The following SLC30A8 variants were observed in gnomAD, a reference collection of about 807,000 sequenced individuals.
SLC30A8 encodes the protein solute carrier family 30 member 8, also known as proton-coupled zinc antiporter SLC30A8.
SLC30A8 carries 27 observed loss-of-function variants against 36.9 expected under a neutral mutation model. The observed-to-expected ratio is 0.73, with a 90% CI of 0.54 to 1.01. SLC30A8 has a LOEUF of 1.01. SLC30A8 is among the 50% of genes least tolerant of loss of function. The pLI, the probability that SLC30A8 is intolerant of heterozygous loss-of-function variation, is 0.00. For synonymous variants in SLC30A8, 164 were observed against 172.4 expected (o/e 0.95, Z 0.38); for missense variants, 439 against 452.0 (o/e 0.97, Z 0.26).
intron 1 of SLC30A8, among the ~76,000 whole-genome samples, chr8:116,996,472 C>T (rs960864321): frequency 6.6e-6 from 1 of 151,970 alleles, no homozygotes; most frequent in Non-Finnish European, 1.5e-5. Context: ...CATGTGTTAC[C>T]TCACATACTT....
At chr8:117,068,209 G>T (rs769969189) in intron 2 of SLC30A8, among the ~76,000 whole-genome samples, 1 of 152,090 alleles carries the variant, frequency 6.6e-6, no homozygotes, top group African/African-American at 2.4e-5. Flanking sequence ...AGCCAGACTC[G>T]AACCCAGTTT....
chr8:117,132,834 A>T (rs1475478153), upstream of SLC30A8, among the ~76,000 whole-genome samples: 1 of 152,046 alleles, frequency 6.6e-6, no homozygotes, highest in Non-Finnish European at 1.5e-5. Context: ...ATGATATAAT[A>T]TGCAATTCTT....
intron 1 of SLC30A8, among the ~76,000 whole-genome samples, chr8:116,975,684 G>A (rs868489463): frequency 2.9e-4 from 44 of 152,298 alleles, no homozygotes; most frequent in Middle Eastern, 3.4e-3. Context: ...ATGAGCTTGC[G>A]CAAGAATTGG....
chr8:116,974,041 A>C (rs1814888717), intron 1 of SLC30A8, among the ~76,000 whole-genome samples: 1 of 152,236 alleles, frequency 6.6e-6, no homozygotes, highest in Admixed American at 6.5e-5. Flanking sequence ...AATTAATTCA[A>C]GATGGATGAA....
rs546751005 is a variant in SLC30A8 at position 117,066,053 on chromosome 8, G to GT, written c.-226+26801dup. Among the ~76,000 whole-genome samples, 453 of 152,272 alleles carry GT rather than the reference G, an allele frequency of 3.0e-3. 3 individuals carry two copies. The highest frequency in any genetic ancestry group is 7.3e-3 in the South Asian group (35 of 4,822). On this transcript the variant is annotated intron_variant, in intron 2 of 10. Coordinates refer to the SLC30A8 transcript ENST00000427715. The stretch of plus-strand genomic sequence containing the variant: ...ATGTGTTGGTGGAACACACAGGAAG[G>GT]TTTTTTCTTGGCGATAAGGAGACCA...
chr8:117,167,746 C>A (rs573893567), intron 6 of SLC30A8, among the ~76,000 whole-genome samples: 1 of 152,006 alleles, frequency 6.6e-6, no homozygotes. Context: ...ATGTAATTAC[C>A]ACCCTTGTAC....
At position 117,122,855 on chromosome 8, in the gene SLC30A8, G is replaced by A. The variant is rs116477495; in HGVS notation, c.-225-12425G>A. ...AACCACAGTCTCCTTTCCCCTCTGTGGACTCTGCTCCTCTGTTTTAGAAAT... is the reference window on the plus strand; with the variant it reads ...AACCACAGTCTCCTTTCCCCTCTGTAGACTCTGCTCCTCTGTTTTAGAAAT... On this transcript the variant is annotated intron_variant, in intron 2 of 10. Coordinates refer to the SLC30A8 transcript ENST00000427715. 6.6e-3 allele frequency among the ~76,000 whole-genome samples: 1,000 copies of A among 151,918 alleles called. 14 individuals are homozygous for A. The highest frequency in any genetic ancestry group is 0.023 in the African/African-American group (952 of 41,476).
At chr8:117,000,077 A>G (rs964338236) in intron 1 of SLC30A8, among the ~76,000 whole-genome samples, 5 of 152,026 alleles carry the variant, frequency 3.3e-5, no homozygotes, top group East Asian at 1.9e-4. Context: ...AAGGCCCACA[A>G]TTTTCTTCTC....
At chr8:117,161,947 G>T in intron 5 of SLC30A8, 59 bp downstream of exon 5, 1 of 1,456,508 alleles carries the variant, frequency 6.9e-7, no homozygotes, top group South Asian at 1.3e-5. Flanking sequence ...TACAGAAGCT[G>T]ACCCTCCAAC....
intron 2 of SLC30A8, among the ~76,000 whole-genome samples, chr8:117,066,065 C>T (rs146569291): frequency 6.0e-4 from 91 of 152,178 alleles, no homozygotes; most frequent in African/African-American, 1.7e-3. Flanking sequence ...TTTTTCTTGG[C>T]GATAAGGAGA....
At chr8:116,993,538 C>A (rs1815718245) in intron 1 of SLC30A8, among the ~76,000 whole-genome samples, 1 of 151,952 alleles carries the variant, frequency 6.6e-6, no homozygotes, top group African/African-American at 2.4e-5. Flanking sequence ...GACCCAGAGA[C>A]AATCTAGATG....
At chr8:117,067,501 T>C (rs1262285077) in intron 2 of SLC30A8, among the ~76,000 whole-genome samples, 1 of 152,148 alleles carries the variant, frequency 6.6e-6, no homozygotes, top group Non-Finnish European at 1.5e-5. Context: ...CTAATTCAAC[T>C]CTTCAAAGTT....
chr8:116,959,084 C>T (rs190408668), intron 1 of SLC30A8, among the ~76,000 whole-genome samples: 2,396 of 152,002 alleles, frequency 0.016, 68 homozygotes, highest in African/African-American at 0.054. Flanking sequence ...CTCCTGACCT[C>T]GTGATCTGCC....
chr8:116,995,948 G>A (rs182597763), intron 1 of SLC30A8, among the ~76,000 whole-genome samples: 1 of 152,258 alleles, frequency 6.6e-6, no homozygotes, highest in Admixed American at 6.5e-5. Context: ...ACTGCATGTA[G>A]CCCTCTCCAG....
chr8:117,068,130 A>G (rs1289617251), intron 2 of SLC30A8, among the ~76,000 whole-genome samples: 1 of 152,156 alleles, frequency 6.6e-6, no homozygotes, highest in African/African-American at 2.4e-5. Flanking sequence ...TGATCATTAG[A>G]GTGATTGAAG....
chr8:117,064,911 T>C (rs185580652), intron 2 of SLC30A8, among the ~76,000 whole-genome samples: 3 of 152,310 alleles, frequency 2.0e-5, no homozygotes, highest in East Asian at 3.9e-4. Flanking sequence ...CTAAGTTTAA[T>C]AGATAAAATC....
intron 2 of SLC30A8, among the ~76,000 whole-genome samples, chr8:117,061,182 C>T (rs1436492399): frequency 3.3e-5 from 5 of 152,188 alleles, no homozygotes; most frequent in Admixed American, 3.3e-4. Context: ...TTCAGTGATT[C>T]TCACTATGAC....
At chr8:117,063,747 C>T (rs1818087120) in intron 2 of SLC30A8, among the ~76,000 whole-genome samples, 1 of 152,082 alleles carries the variant, frequency 6.6e-6, no homozygotes, top group Admixed American at 6.5e-5. Context: ...AACTCTTTTG[C>T]TTCTCAGTTG....
At chr8:117,059,903 G>T (rs1248758408) in intron 2 of SLC30A8, among the ~76,000 whole-genome samples, 1 of 152,094 alleles carries the variant, frequency 6.6e-6, no homozygotes. Flanking sequence ...TTTCCCAGTA[G>T]GCTAAGGGAA....
Sources: gnomAD v4.1 joint callset for allele counts (sites outside exome capture counted in the v4.1 genomes callset) on GRCh38, gnomAD v4.1.1 for gene constraint, MANE v1.5 for transcripts, NCBI Gene and HGNC (gene_info 2026-07-23, HGNC 2026-07-21) for gene names.